The following CHD9 variants were observed in gnomAD, a reference collection of about 807,000 sequenced individuals.
The protein encoded by CHD9 is chromodomain helicase DNA binding protein 9, also known as ATP-dependent chromatin remodeler CHD9.
A neutral mutation model predicts 316.1 loss-of-function variants in CHD9; 77 were observed. The ratio of observed to expected loss-of-function variants is 0.24; its 90% confidence interval spans 0.20 to 0.29. The LOEUF is 0.29. Among genes scored for constraint, CHD9 ranks in the 10% least tolerant of loss-of-function variants. CHD9 has a pLI of 1.00. For synonymous variants in CHD9, 1,129 were observed against 1,158.3 expected, an observed-to-expected ratio of 0.97 and a Z score of 0.51; for missense variants, 2,763 against 3,438.1, an observed-to-expected ratio of 0.80 and a Z score of 4.91.
At position 53,314,690 on chromosome 16, in the gene CHD9, TTTTAAG is replaced by T. The variant is rs980476380; in HGVS notation, c.7363-127_7363-122del. ...TAGCACTGTCCAAGAGTGATAAAAATTTTAAGTTTAAAAGATTTAGCAGAATTTTTA... is the reference window on the plus strand; with the variant it reads ...TAGCACTGTCCAAGAGTGATAAAAATTTTAAAAGATTTAGCAGAATTTTTA... On this transcript the variant is annotated intron_variant, in intron 35 of 38. Transcript: ENST00000447540. 3.9e-6 allele frequency: 4 copies of T among 1,024,660 alleles called. No homozygotes were observed. In the African/African-American group the frequency reaches 6.5e-5, roughly 17 times the overall value. 63.5% of individuals were successfully genotyped at this position (1,024,660 alleles called of 1,614,324 possible). A position where few individuals can be genotyped will look rare whatever the true frequency, so the allele number is the denominator to read the frequency against.
intron 34 of CHD9, among the ~76,000 whole-genome samples, chr16:53,312,350 T>C (rs1003588231): frequency 6.6e-6 from 1 of 152,120 alleles, no homozygotes; most frequent in African/African-American, 2.4e-5. Context: ...TTAATAAACG[T>C]TGGAAAAGAG....
intron 29 of CHD9, among the ~76,000 whole-genome samples, chr16:53,294,248 G>A (rs2054596110): frequency 6.6e-6 from 1 of 152,132 alleles, no homozygotes; most frequent in Non-Finnish European, 1.5e-5. Context: ...CTTGTTACCC[G>A]GGTCCTTGGA....
chr16:53,273,711 G>T lies in CHD9; in HGVS notation c.4803G>T (p.Trp1601Cys), dbSNP rs1265818524. Residue 1601 changes from tryptophan to cysteine, a missense_variant, in exon 23 of 39, where the codon TGG becomes TGT. Transcript: ENST00000447540. ...TSSFDIQKAE[W>C]LRKYNPEQLL... Reference sequence around the variant, plus strand: ...CATTTGATATACAAAAAGCAGAATGGCTTCGAAAATATAATCCCGAGCAGC... The same window carrying T: ...CATTTGATATACAAAAAGCAGAATGTCTTCGAAAATATAATCCCGAGCAGC... 1 of 1,613,348 alleles carries T rather than the reference G, an allele frequency of 6.2e-7. No individual in the cohort carries two copies. Among genetic ancestry groups the T allele is most frequent in the Non-Finnish European group, 8.5e-7 (1 of 1,179,566 alleles).
chr16:53,208,515 T>C (rs2152867438), intron 2 of CHD9: 1 of 1,095,852 alleles, frequency 9.1e-7, no homozygotes, highest in Middle Eastern at 4.0e-4. Flanking sequence ...TTATAGCCTG[T>C]AGGCCTTAAG....
intron 1 of CHD9, among the ~76,000 whole-genome samples, chr16:53,125,920 C>G (rs923401147): frequency 6.6e-6 from 1 of 152,204 alleles, no homozygotes; most frequent in Non-Finnish European, 1.5e-5. Flanking sequence ...AATTTATTTG[C>G]AAATATTTTC....
At chr16:53,069,592 T>C (rs979026689) in intron 1 of CHD9, among the ~76,000 whole-genome samples, 10 of 152,286 alleles carry the variant, frequency 6.6e-5, no homozygotes, top group South Asian at 4.1e-4. Flanking sequence ...TCCATTTTAA[T>C]AGACTGTGGT....
At chr16:53,118,553 C>T (rs991892494) in intron 1 of CHD9, among the ~76,000 whole-genome samples, 6 of 152,084 alleles carry the variant, frequency 3.9e-5, no homozygotes, top group Non-Finnish European at 1.5e-5. Flanking sequence ...TCTAAGATCC[C>T]ACTGCTCTTA....
At position 53,325,549 on chromosome 16, in the gene CHD9, A is replaced by G. The variant is rs990730511; in HGVS notation, c.*654A>G. On this transcript the variant is annotated 3_prime_UTR_variant, in exon 39 of 39. Transcript: ENST00000447540. The stretch of plus-strand genomic sequence containing the variant: ...CTATACTTGTTTTCAGGGGTTTTTT[A>G]AACACATCCTATATATCATGTCAAT... 6.6e-6 allele frequency: 1 copy of G among 152,606 alleles called. No individual in the cohort carries two copies. Among genetic ancestry groups the G allele is most frequent in the African/African-American group, 2.4e-5 (1 of 41,452 alleles). 9.5% of individuals were successfully genotyped at this position (152,606 alleles called of 1,614,324 possible). A position where few individuals can be genotyped will look rare whatever the true frequency, so the allele number is the denominator to read the frequency against.
At position 53,273,933 on chromosome 16, in the gene CHD9, A is replaced by T. The variant is rs558915891; in HGVS notation, c.4877+148A>T. On this transcript the variant is annotated intron_variant, in intron 23 of 38. Coordinates refer to ENST00000447540, the MANE Select transcript of CHD9 (RefSeq NM_001308319.2). The stretch of plus-strand genomic sequence containing the variant: ...AATTTTACAAGGTATCCTACAAGCA[A>T]ATCATGATACCTCTTGTGTCATTGT... 8.8e-4 allele frequency: 665 copies of T among 754,830 alleles called. 11 individuals carry two copies. The South Asian group carries it at 0.012, about 14-fold the overall frequency. 46.8% of individuals were successfully genotyped at this position (754,830 alleles called of 1,614,324 possible).
At chr16:53,141,715 C>T (rs1457238397) in intron 1 of CHD9, among the ~76,000 whole-genome samples, 2 of 151,918 alleles carry the variant, frequency 1.3e-5, no homozygotes, top group Non-Finnish European at 2.9e-5. Flanking sequence ...CCTCTGCACT[C>T]ATCTTGTTTA....
At chr16:53,085,121 G>A (rs78307475) in intron 1 of CHD9, among the ~76,000 whole-genome samples, 3,036 of 152,150 alleles carry the variant, frequency 0.02, 102 homozygotes, top group African/African-American at 0.069. Context: ...GGCCACATTC[G>A]TCCATAATAG....
intron 20 of CHD9, 56 bp from the exon 21 acceptor site, chr16:53,267,238 C>A: frequency 8.3e-7 from 1 of 1,211,884 alleles, no homozygotes; most frequent in Non-Finnish European, 1.1e-6. Flanking sequence ...ATGTAGAACA[C>A]TGTTGTAAGC....
chr16:53,301,835 G>A (rs2055464184), intron 30 of CHD9, among the ~76,000 whole-genome samples: 1 of 145,710 alleles, frequency 6.9e-6, no homozygotes, highest in Non-Finnish European at 1.5e-5. Flanking sequence ...GCGTGATCTC[G>A]GCTCACTGCA....
At chr16:53,095,097 G>T (rs756554298) in intron 1 of CHD9, among the ~76,000 whole-genome samples, 5 of 152,034 alleles carry the variant, frequency 3.3e-5, no homozygotes, top group Admixed American at 2.0e-4. Context: ...TCCACTGCAC[G>T]TTCTTCCCCT....
At chr16:53,243,083 T>C in intron 13 of CHD9, 67 bp downstream of exon 13, 1 of 1,139,922 alleles carries the variant, frequency 8.8e-7, no homozygotes, top group Non-Finnish European at 1.2e-6. Context: ...GGTTATAGAG[T>C]TAATGCTAAA....
In CHD9 at chr16:53,285,492, G is replaced by C. The variant is rs1365374977; in HGVS notation, c.4968-104G>C. 1.4e-5 allele frequency: 6 copies of C among 423,606 alleles called. 1 individual carries two copies. The Admixed American group carries it at 1.4e-4, about 10-fold the overall frequency. The allele number at this position is 423,606 out of a possible 1,614,324, so 26.2% of individuals were successfully genotyped here. ...GGATTAAAAAATAATGAAATCCTAA[G>C]CTCTCTCTTGAAAGCCACAGTGCTT... On this transcript the variant is annotated intron_variant, in intron 24 of 38. Transcript: ENST00000447540.
At chr16:53,150,472 T>C (rs1318936530) in intron 1 of CHD9, among the ~76,000 whole-genome samples, 1 of 152,228 alleles carries the variant, frequency 6.6e-6, no homozygotes. Context: ...AAATGGGTTA[T>C]CTATTTGCCT....
intron 1 of CHD9, among the ~76,000 whole-genome samples, chr16:53,109,259 G>GC (rs1035024492): frequency 2.0e-5 from 3 of 152,172 alleles, no homozygotes; most frequent in African/African-American, 7.2e-5. Context: ...CTCCTGAGGG[G>GC]CAGGGGTGTT....
At chr16:53,122,105 A>G (rs929213699) in intron 1 of CHD9, 1 of 152,224 alleles carries the variant, frequency 6.6e-6, no homozygotes, top group African/African-American at 2.4e-5. Flanking sequence ...TGATCAGTGA[A>G]AGAACATTTT....
Sources: gnomAD v4.1 joint callset for allele counts (sites outside exome capture counted in the v4.1 genomes callset) on GRCh38, gnomAD v4.1.1 for gene constraint, MANE v1.5 for transcripts, NCBI Gene and HGNC (gene_info 2026-07-23, HGNC 2026-07-21) for gene names.